The following SMARCA4 variants were observed in gnomAD, a reference collection of about 807,000 sequenced individuals.
SMARCA4 encodes the protein SWI/SNF related BAF chromatin remodeling complex subunit ATPase 4.
A neutral mutation model predicts 193.9 loss-of-function variants in SMARCA4; 31 were observed. The observed-to-expected ratio is 0.16, with a 90% CI of 0.12 to 0.22. The LOEUF is 0.22. Ranked by LOEUF, SMARCA4 falls within the 10% of genes least tolerant of loss-of-function variation. SMARCA4 has a pLI of 1.00. For missense variants in SMARCA4, 1,148 were observed against 2,296.0 expected (o/e 0.50, Z 10.22); for synonymous variants, 942 against 933.1 (o/e 1.01, Z -0.17).
rs1296952856 is a variant in SMARCA4 at position 11,031,750 on chromosome 19, T to G, written c.3546+857T>G. 1 of 152,390 alleles carries G rather than the reference T, an allele frequency of 6.6e-6. No homozygotes were observed. The highest frequency in any genetic ancestry group is 1.5e-5 in the Non-Finnish European group (1 of 68,106). 9.4% of individuals were successfully genotyped at this position (152,390 alleles called of 1,614,324 possible). The stretch of plus-strand genomic sequence containing the variant: ...CATCCGTCTTTTCTGTTGATCAGCC[T>G]GGTCACCAACCCAGCAGGGTCCCTC... On this transcript the variant is annotated intron_variant, in intron 25 of 34. Transcript: ENST00000344626. The surrounding 1 kb of genome is among the most constrained non-coding windows in gnomAD (Gnocchi z 4.3).
chr19:11,000,881 T>C (rs1312270364), intron 11 of SMARCA4, among the ~76,000 whole-genome samples: 3 of 147,030 alleles, frequency 2.0e-5, no homozygotes, highest in Non-Finnish European at 4.5e-5. Flanking sequence ...AAAAAAGTCA[T>C]GAAGTGGGAA....
intron 20 of SMARCA4, among the ~76,000 whole-genome samples, chr19:11,023,870 CAG>C (rs1202826450): frequency 5.9e-5 from 9 of 152,246 alleles, no homozygotes; most frequent in African/African-American, 1.7e-4. Context: ...CACTTCCTGT[CAG>C]GGGGCCAGGT....
intron 20 of SMARCA4, 61 bp from the exon 21 acceptor site, chr19:11,024,270 A>G (rs1232827805): frequency 8.6e-7 from 1 of 1,168,336 alleles, no homozygotes; most frequent in Non-Finnish European, 1.3e-6. Flanking sequence ...CTGGGTTCGG[A>G]TGGGGGGAGT....
intron 30 of SMARCA4, among the ~76,000 whole-genome samples, chr19:11,044,000 A>G (rs1568532764): frequency 1.3e-5 from 2 of 152,160 alleles, no homozygotes; most frequent in Non-Finnish European, 2.9e-5. Context: ...AAAACAAAAA[A>G]AGGGAATTCG....
At chr19:11,043,121 T>C (rs1307218977) in intron 30 of SMARCA4, among the ~76,000 whole-genome samples, 1 of 152,070 alleles carries the variant, frequency 6.6e-6, no homozygotes, top group East Asian at 1.9e-4. Context: ...CGAAACCCCC[T>C]CTCTACTAAA....
intron 1 of SMARCA4, among the ~76,000 whole-genome samples, chr19:10,973,792 A>C: frequency 6.6e-6 from 1 of 151,926 alleles, no homozygotes; most frequent in Non-Finnish European, 1.5e-5. Context: ...GATGGTCTCG[A>C]TCTCCTGACC....
rs1228057193 is a variant in SMARCA4, at chr19:11,034,907, C to A, written c.3952-7C>A. The A allele has an allele frequency of 1.3e-6, 2 of 1,550,726 alleles. No homozygotes were observed. The highest frequency in any genetic ancestry group is 1.4e-5 in the African/African-American group (1 of 73,494). On this transcript the variant is annotated splice_region_variant and splice_polypyrimidine_tract_variant and intron_variant, in intron 28 of 34. Coordinates refer to ENST00000344626, the MANE Select transcript of SMARCA4 (RefSeq NM_003072.5). This position sits in a 1 kb window ranked among gnomAD's most constrained non-coding sequence, Gnocchi z 7.0. ...GATGCCTCTCCCGTTGCCTCCCTGC[C>A]CACCAGCGCATGGACCTGGACCGCA...
Position 10,986,317 on chromosome 19 carries a change from T to C in SMARCA4, c.484T>C (p.Leu162=), listed in dbSNP as rs2145775609. The C allele has an allele frequency of 2.5e-6, 4 of 1,613,644 alleles. No individual in the cohort carries two copies. The highest frequency in any genetic ancestry group is 3.4e-6 in the Non-Finnish European group (4 of 1,179,960). The change falls in exon 4 of 35, where the codon TTG becomes CTG. Residue 162 remains leucine, a synonymous_variant. Coordinates refer to ENST00000344626, the MANE Select transcript of SMARCA4 (RefSeq NM_003072.5). This position sits in a 1 kb window ranked among gnomAD's most constrained non-coding sequence, Gnocchi z 6.7. ...GCTGGATGGTGCTGACCCCCAGGCC[T>C]TGGGGCAGCAGAACCGGGGCCCAAC... ...APLDGADPQA[L]GQQNRGPTPF...
chr19:10,988,684 C>T, intron 6 of SMARCA4, among the ~76,000 whole-genome samples: 1 of 152,164 alleles, frequency 6.6e-6, no homozygotes, highest in African/African-American at 2.4e-5. Flanking sequence ...TCACTTCCAG[C>T]CACTCTCTGG....
Position 11,041,578 on chromosome 19 carries a change from G to C in SMARCA4, c.4424+18G>C, listed in dbSNP as rs1424376113. 1.1e-5 allele frequency: 18 copies of C among 1,609,948 alleles called. No individual in the cohort carries two copies. Among genetic ancestry groups the C allele is most frequent in the Non-Finnish European group, 1.5e-5 (18 of 1,178,980 alleles). Reference sequence around the variant, plus strand: ...AAGGACAGGTAAGCGAGGAGGCGGGGAGGGCGGGGGCTGTAGGGGTCCCCG... The same window carrying C: ...AAGGACAGGTAAGCGAGGAGGCGGGCAGGGCGGGGGCTGTAGGGGTCCCCG... On this transcript the variant is annotated intron_variant, in intron 30 of 34. Coordinates refer to ENST00000344626, the MANE Select transcript of SMARCA4 (RefSeq NM_003072.5). This position sits in a 1 kb window ranked among gnomAD's most constrained non-coding sequence, Gnocchi z 5.6.
At chr19:10,965,936 G>A (rs1362890389) in intron 1 of SMARCA4, among the ~76,000 whole-genome samples, 1 of 150,268 alleles carries the variant, frequency 6.7e-6, no homozygotes, top group Non-Finnish European at 1.5e-5. Flanking sequence ...TCACCATAAG[G>A]CATTGGAAAA....
chr19:11,045,063 G>A (rs1016893861), intron 30 of SMARCA4, among the ~76,000 whole-genome samples: 3 of 152,220 alleles, frequency 2.0e-5, no homozygotes, highest in Admixed American at 6.5e-5. Context: ...GCTCACGCCT[G>A]TAATCCCAGC....
At chr19:10,995,403 G>GT (rs1260055101) in intron 9 of SMARCA4, 1 of 464,606 alleles carries the variant, frequency 2.2e-6, no homozygotes, top group African/African-American at 2.0e-5. Flanking sequence ...GCTGCTCTGT[G>GT]TACGGGGACA....
rs2075628168 is a variant in SMARCA4, at chr19:11,041,744, G to T, written c.4424+184G>T. ...GGAACATGCTTTCTGGAACAGGGAA[G>T]CACACATGTATCTGCGGTGATGAGA... On this transcript the variant is annotated intron_variant, in intron 30 of 34. Transcript: ENST00000344626. This position sits in a 1 kb window ranked among gnomAD's most constrained non-coding sequence, Gnocchi z 5.6. 6.6e-6 allele frequency among the ~76,000 whole-genome samples: 1 copy of T among 152,216 alleles called. No individual in the cohort carries two copies. The highest frequency in any genetic ancestry group is 1.5e-5 in the Non-Finnish European group (1 of 68,046).
intron 22 of SMARCA4, 32 bp downstream of exon 22, chr19:11,025,540 C>G: frequency 6.6e-7 from 1 of 1,513,550 alleles, no homozygotes; most frequent in Non-Finnish European, 9.2e-7. Flanking sequence ...CGGCTCAGGC[C>G]CTGCTGTCTG....
chr19:11,027,672 C>G, intron 23 of SMARCA4, 112 bp from the exon 24 acceptor site: 2 of 1,179,864 alleles, frequency 1.7e-6, no homozygotes. Context: ...TGTCTGTGCC[C>G]TTGAACCCGG....
rs906438749 is a variant in SMARCA4, at chr19:11,031,855, C to T, written c.3546+962C>T. The T allele has an allele frequency of 6.6e-6, 1 of 152,278 alleles. No homozygotes were observed. Among genetic ancestry groups the T allele is most frequent in the Admixed American group, 6.5e-5 (1 of 15,282 alleles). The allele number at this position is 152,278 out of a possible 1,614,324, so 9.4% of individuals were successfully genotyped here. On this transcript the variant is annotated intron_variant, in intron 25 of 34. Coordinates refer to ENST00000344626, the MANE Select transcript of SMARCA4 (RefSeq NM_003072.5). This position sits in a 1 kb window ranked among gnomAD's most constrained non-coding sequence, Gnocchi z 4.3. ...GGGTCGCTCCACCCCAGACATTGTCCTCTTCGTGTTCTGGTTGCTACTGCC... is the reference window on the plus strand; with the variant it reads ...GGGTCGCTCCACCCCAGACATTGTCTTCTTCGTGTTCTGGTTGCTACTGCC...
intron 1 of SMARCA4, among the ~76,000 whole-genome samples, chr19:10,976,219 A>T (rs2085112464): frequency 6.6e-6 from 1 of 152,124 alleles, no homozygotes; most frequent in African/African-American, 2.4e-5. Context: ...AAGAAGGGGT[A>T]GAGAGAGAGG....
At chr19:11,017,563 T>C (rs2089479065) in intron 16 of SMARCA4, among the ~76,000 whole-genome samples, 1 of 152,262 alleles carries the variant, frequency 6.6e-6, no homozygotes. Flanking sequence ...CATGAGCTGC[T>C]TGTCCTGCCT....
Sources: gnomAD v4.1 joint callset for allele counts (sites outside exome capture counted in the v4.1 genomes callset) on GRCh38, gnomAD v4.1.1 for gene constraint, Gnocchi (gnomAD v3.1) non-coding constraint, MANE v1.5 for transcripts, NCBI Gene and HGNC (gene_info 2026-07-23, HGNC 2026-07-21) for gene names.